The following RPTOR variants were observed in gnomAD, a reference collection of about 807,000 sequenced individuals.
RPTOR encodes the protein regulatory associated protein of MTOR complex 1.
In RPTOR, 21 loss-of-function variants were observed where a neutral mutation model predicts 169.9. That is an observed-to-expected ratio of 0.12 (90% CI 0.09 to 0.18). RPTOR has a LOEUF of 0.18. Ranked by LOEUF, RPTOR falls within the 10% of genes least tolerant of loss-of-function variation. The pLI, the probability that RPTOR is intolerant of heterozygous loss-of-function variation, is 1.00. For missense variants in RPTOR, 1,133 were observed against 1,855.9 expected, an observed-to-expected ratio of 0.61 and a Z score of 7.16; for synonymous variants, 732 against 753.2, an observed-to-expected ratio of 0.97 and a Z score of 0.46.
Position 80,815,316 on chromosome 17 carries a change from G to T in RPTOR, c.891-6885G>T, listed in dbSNP as rs1048105040. Among the ~76,000 whole-genome samples the T allele has an allele frequency of 3.3e-5, 5 of 152,336 alleles. No homozygotes were observed. The South Asian group carries it at 1.0e-3, about 32-fold the overall frequency. On this transcript the variant is annotated intron_variant, in intron 7 of 33. Coordinates refer to ENST00000306801, the MANE Select transcript of RPTOR (RefSeq NM_020761.3). ...AGGTGGCCCAGCCTCTGCAGGCCCC[G>T]TGGAGAGAGAGCTGCCACTCCAACT...
Position 80,823,033 on chromosome 17 carries a change from G to T in RPTOR, c.992-46G>T. The T allele has an allele frequency of 3.2e-6, 5 of 1,582,122 alleles. No individual in the cohort carries two copies. Among genetic ancestry groups the T allele is most frequent in the South Asian group, 1.2e-5 (1 of 86,770 alleles). On this transcript the variant is annotated intron_variant, in intron 8 of 33. Coordinates refer to ENST00000306801, the MANE Select transcript of RPTOR (RefSeq NM_020761.3). The surrounding 1 kb of genome is among the most constrained non-coding windows in gnomAD (Gnocchi z 4.5). ...TTTGTGTATTTGGCTTTAAATGCTA[G>T]ACACAAGTCACTGTAGACTCCTTTT...
At chr17:80,904,625 G>A (rs1014278084) in intron 20 of RPTOR, among the ~76,000 whole-genome samples, 1 of 152,206 alleles carries the variant, frequency 6.6e-6, no homozygotes, top group African/African-American at 2.4e-5. Flanking sequence ...GCCAGCAGGG[G>A]CCCTTTCTAA....
At chr17:80,925,554 G>A (rs1298749616) in intron 24 of RPTOR, 74 bp downstream of exon 24, 27 of 1,232,522 alleles carry the variant, frequency 2.2e-5, no homozygotes, top group South Asian at 1.3e-4. Flanking sequence ...GAGCATAAAC[G>A]CTCAAGGCTT....
chr17:80,961,993 T>G (rs1224485193), intron 31 of RPTOR, among the ~76,000 whole-genome samples: 2 of 152,094 alleles, frequency 1.3e-5, no homozygotes, highest in Non-Finnish European at 2.9e-5. Flanking sequence ...CAAACATAAC[T>G]CTTGGGATGG....
At chr17:80,866,424 C>T (rs2067992192) in intron 13 of RPTOR, among the ~76,000 whole-genome samples, 1 of 151,990 alleles carries the variant, frequency 6.6e-6, no homozygotes, top group African/African-American at 2.4e-5. Context: ...CCAAAGCTGT[C>T]GGCCAAAGGA....
At chr17:80,548,739 A>G (rs1044268927) in intron 1 of RPTOR, among the ~76,000 whole-genome samples, 13 of 152,130 alleles carry the variant, frequency 8.5e-5, no homozygotes, top group African/African-American at 2.7e-4. Context: ...TCCAGGCCAC[A>G]CAGTCCCACT....
In RPTOR at chr17:80,575,807, A is replaced by G. The variant is rs546885699; in HGVS notation, c.162+30016A>G. ...TCTATCAGTAACAGAGAGGTGTATT[A>G]ACACTTCTCACCATCATTGTAAATA... On this transcript the variant is annotated intron_variant, in intron 1 of 33. Transcript: ENST00000306801. Among the ~76,000 whole-genome samples, 4 of 152,304 alleles carry G rather than the reference A, an allele frequency of 2.6e-5. No individual in the cohort carries two copies. In the South Asian group the frequency reaches 8.3e-4, roughly 32 times the overall value.
Position 80,730,730 on chromosome 17 carries a change from G to A in RPTOR, c.654+24G>A, listed in dbSNP as rs773297463. On this transcript the variant is annotated intron_variant, in intron 5 of 33. Coordinates refer to ENST00000306801, the MANE Select transcript of RPTOR (RefSeq NM_020761.3). This position sits in a 1 kb window ranked among gnomAD's most constrained non-coding sequence, Gnocchi z 4.2. ...AGGTGAGCGCTCTGGTGCTTGGAGA[G>A]CGGTGCTGGGTTTGGTTTTGTTTTC... The A allele has an allele frequency of 2.0e-5, 32 of 1,600,596 alleles. No individual in the cohort carries two copies. The highest frequency in any genetic ancestry group is 2.6e-5 in the Non-Finnish European group (30 of 1,171,660).
At chr17:80,882,765 A>C (rs2143836277) in intron 14 of RPTOR, among the ~76,000 whole-genome samples, 1 of 152,320 alleles carries the variant, frequency 6.6e-6, no homozygotes, top group Middle Eastern at 3.4e-3. Context: ...AAGAATACTC[A>C]TGGCGAATTG....
rs2143839889 is a variant in RPTOR, at chr17:80,883,863, C to T, written c.1733C>T (p.Ala578Val). Residue 578 changes from alanine (A) to valine (V), a missense_variant, in exon 16 of 34, where the codon GCC (alanine) becomes GTC (valine). Ala to Val is a moderately conservative substitution (Grantham distance 64, BLOSUM62 0). Coordinates refer to ENST00000306801, the MANE Select transcript of RPTOR (RefSeq NM_020761.3). ...CACCCCTTGCTGCGCCAGTGGGTGG[C>T]CATCTGCCTCGGCAGGATCTGGCAG... ...DPHPLLRQWV[A>V]ICLGRIWQNF... The T allele has an allele frequency of 6.2e-7, 1 of 1,613,712 alleles. No individual in the cohort carries two copies. The highest frequency in any genetic ancestry group is 8.5e-7 in the Non-Finnish European group (1 of 1,180,038).
At position 80,591,928 on chromosome 17, in the gene RPTOR, T is replaced by C. The variant is rs1291608289; in HGVS notation, c.163-33763T>C. 1.2e-4 allele frequency among the ~76,000 whole-genome samples: 19 copies of C among 152,194 alleles called. 1 individual carries two copies. The highest frequency in any genetic ancestry group is 1.2e-3 in the Admixed American group (19 of 15,290). On this transcript the variant is annotated intron_variant, in intron 1 of 33. Coordinates refer to ENST00000306801, the MANE Select transcript of RPTOR (RefSeq NM_020761.3). ...GGGAACCAGCTTGTGGCTTTGTGGA[T>C]CTTCTTTGTTATCTGTTTGCTTTCA...
At chr17:80,916,145 G>T (rs1266001650) in intron 21 of RPTOR, among the ~76,000 whole-genome samples, 2 of 152,168 alleles carry the variant, frequency 1.3e-5, no homozygotes, top group East Asian at 3.9e-4. Context: ...GCTGAAACAT[G>T]CCCCTTGCTT....
rs2066579013 is a variant in RPTOR at position 80,746,699 on chromosome 17, T to G, written c.655-7311T>G. ...TGGTCACTTTTAGGCCTGGGCACTG[T>G]TCACAAGCTTGGCCAATCACAAGCA... is the stretch of plus-strand genomic sequence containing the variant. On this transcript the variant is annotated intron_variant, in intron 5 of 33. Transcript: ENST00000306801. This position sits in a 1 kb window ranked among gnomAD's most constrained non-coding sequence, Gnocchi z 4.5. Among the ~76,000 whole-genome samples, 1 of 152,190 alleles carries G rather than the reference T, an allele frequency of 6.6e-6. No individual in the cohort carries two copies. The highest frequency in any genetic ancestry group is 2.1e-4 in the South Asian group (1 of 4,834).
At chr17:80,776,195 G>T (rs2066890179) in intron 6 of RPTOR, among the ~76,000 whole-genome samples, 1 of 151,916 alleles carries the variant, frequency 6.6e-6, no homozygotes, top group African/African-American at 2.4e-5. Context: ...CATAGAGTAA[G>T]ATCCTGTCTC....
rs374077917 is a variant in RPTOR, at chr17:80,898,570, T to C, written c.2401+4705T>C. Among the ~76,000 whole-genome samples, 80 of 152,136 alleles carry C rather than the reference T, an allele frequency of 5.3e-4. 4 individuals are homozygous for C. The highest frequency in any genetic ancestry group is 1.9e-3 in the African/African-American group (79 of 41,500). ...TTCTCAAACAGAAAATAAAAACAGCTCATTAACTTTGAGTTTTTCTTCCTT... is the reference window on the plus strand; with the variant it reads ...TTCTCAAACAGAAAATAAAAACAGCCCATTAACTTTGAGTTTTTCTTCCTT... On this transcript the variant is annotated intron_variant, in intron 20 of 33. Coordinates refer to ENST00000306801, the MANE Select transcript of RPTOR (RefSeq NM_020761.3).
At chr17:80,560,983 C>T (rs1803163643) in intron 1 of RPTOR, among the ~76,000 whole-genome samples, 1 of 152,070 alleles carries the variant, frequency 6.6e-6, no homozygotes, top group Non-Finnish European at 1.5e-5. Flanking sequence ...TCCTGACCGG[C>T]TTATAAGGCC....
intron 10 of RPTOR, among the ~76,000 whole-genome samples, chr17:80,846,149 A>G (rs2067727468): frequency 6.6e-6 from 1 of 152,124 alleles, no homozygotes; most frequent in African/African-American, 2.4e-5. Flanking sequence ...TCCCTTGTCC[A>G]GCCACTGTCG....
At chr17:80,623,717 G>T (rs1159957720) in intron 1 of RPTOR, among the ~76,000 whole-genome samples, 1 of 151,836 alleles carries the variant, frequency 6.6e-6, no homozygotes, top group Non-Finnish European at 1.5e-5. Context: ...TATATTTTTA[G>T]TAGAGACGAG....
intron 13 of RPTOR, among the ~76,000 whole-genome samples, chr17:80,866,098 G>A (rs1306802078): frequency 6.7e-6 from 1 of 150,316 alleles, no homozygotes; most frequent in Non-Finnish European, 1.5e-5. Flanking sequence ...ATATAAATAT[G>A]TAATATTAAG....
Sources: gnomAD v4.1 joint callset for allele counts (sites outside exome capture counted in the v4.1 genomes callset) on GRCh38, gnomAD v4.1.1 for gene constraint, Gnocchi (gnomAD v3.1) non-coding constraint, MANE v1.5 for transcripts, NCBI Gene and HGNC (gene_info 2026-07-23, HGNC 2026-07-21) for gene names.